The following PCED1B variants were observed in gnomAD, a reference collection of about 807,000 sequenced individuals.
PCED1B encodes PC-esterase domain-containing protein 1B.
For synonymous variants in PCED1B, 251 were observed against 246.1 expected, an observed-to-expected ratio of 1.02 and a Z score of -0.19; for missense variants, 573 against 573.9, an observed-to-expected ratio of 1.00 and a Z score of 0.02.
intron 2 of PCED1B, among the ~76,000 whole-genome samples, chr12:47,202,086 C>G (rs887627587): frequency 2.0e-5 from 3 of 152,048 alleles, no homozygotes; most frequent in African/African-American, 7.2e-5. Context: ...TTGTAAGCAC[C>G]ACAAATAAAA....
chr12:47,082,852 G>T, intron 1 of PCED1B, among the ~76,000 whole-genome samples: 1 of 151,974 alleles, frequency 6.6e-6, no homozygotes, highest in Non-Finnish European at 1.5e-5. Flanking sequence ...AGATGGTTGA[G>T]TTGCCTTCTC....
intron 2 of PCED1B, among the ~76,000 whole-genome samples, chr12:47,119,373 A>C (rs1395269991): frequency 6.6e-6 from 1 of 152,150 alleles, no homozygotes; most frequent in East Asian, 1.9e-4. Context: ...AAAAGAAAAA[A>C]TAGATAAATT....
intron 2 of PCED1B, among the ~76,000 whole-genome samples, chr12:47,120,791 A>C (rs1256611292): frequency 6.6e-6 from 1 of 152,002 alleles, no homozygotes; most frequent in Admixed American, 6.6e-5. Context: ...GACAGAGTGA[A>C]ATTCCATCTC....
rs1943985595 is a variant in PCED1B, at chr12:47,236,294, C to T, written c.1231C>T (p.Pro411Ser). 1.9e-6 allele frequency: 3 copies of T among 1,613,962 alleles called. No homozygotes were observed. The Admixed American group carries it at 5.0e-5, about 27-fold the overall frequency. ...GTATCGTCCCCGTGGCCCCTATACG[C>T]CCTGGGGACAGCGGCCTCGACCTTC... ...GRYRPRGPYTPWGQRPRPSKR... is the reference protein window; with the variant it reads ...GRYRPRGPYTSWGQRPRPSKR... Residue 411 changes from proline to serine, a missense_variant, in exon 4 of 4, where the codon CCC becomes TCC. Transcript: ENST00000546455.
chr12:47,211,187 C>A (rs1265460259), intron 2 of PCED1B, among the ~76,000 whole-genome samples: 1 of 152,220 alleles, frequency 6.6e-6, no homozygotes, highest in African/African-American at 2.4e-5. Flanking sequence ...TCCCTCCCTG[C>A]ACTGTGAGCT....
rs1337929631 is a variant in PCED1B at position 47,089,472 on chromosome 12, ATATATATATATATATATATATG to A, written c.-609+9754_-609+9775del. Among the ~76,000 whole-genome samples, 27 of 100,512 alleles carry A rather than the reference ATATATATATATATATATATATG, an allele frequency of 2.7e-4. 3 individuals are homozygous for A. Among genetic ancestry groups the A allele is most frequent in the Admixed American group, 1.4e-3 (14 of 9,668 alleles). The allele number at this position is 100,512 out of a possible 152,430, so 65.9% of individuals were successfully genotyped here. On this transcript the variant is annotated intron_variant, in intron 1 of 3. Coordinates refer to ENST00000546455, the MANE Select transcript of PCED1B (RefSeq NM_138371.3). Reference sequence around the variant, plus strand: ...AAAAAAAAAAAATACATATATATATATATATATATATATATATATATGTATATACCAAAAAACATACCTACCT... The same window carrying A: ...AAAAAAAAAAAATACATATATATATATATATACCAAAAAACATACCTACCT...
chr12:47,222,275 A>G (rs902808566), intron 3 of PCED1B, among the ~76,000 whole-genome samples: 1 of 151,482 alleles, frequency 6.6e-6, no homozygotes, highest in African/African-American at 2.4e-5. Context: ...CAAAAAAATT[A>G]GCCGGGCGTG....
At chr12:47,179,412 C>T (rs148974817) in intron 2 of PCED1B, among the ~76,000 whole-genome samples, 108 of 152,294 alleles carry the variant, frequency 7.1e-4, no homozygotes, top group African/African-American at 2.5e-3. Flanking sequence ...ATCATTCATC[C>T]TCTCAGAGTC....
chr12:47,119,989 T>C (rs933512049), intron 2 of PCED1B, among the ~76,000 whole-genome samples: 7 of 146,884 alleles, frequency 4.8e-5, no homozygotes, highest in African/African-American at 1.7e-4. Context: ...ATAATAATAA[T>C]AAAATGATTA....
chr12:47,107,417 A>T (rs1254849739), intron 2 of PCED1B, among the ~76,000 whole-genome samples: 1 of 152,232 alleles, frequency 6.6e-6, no homozygotes, highest in Non-Finnish European at 1.5e-5. Context: ...GGACACAGGG[A>T]GGGAGCTGAT....
At chr12:47,180,527 C>A (rs1478455833) in intron 2 of PCED1B, among the ~76,000 whole-genome samples, 4 of 152,112 alleles carry the variant, frequency 2.6e-5, no homozygotes, top group South Asian at 2.1e-4. Flanking sequence ...CCATTTGGGA[C>A]ATAGGCATGG....
chr12:47,119,539 A>AT (rs1396602381), intron 2 of PCED1B, among the ~76,000 whole-genome samples: 1 of 152,064 alleles, frequency 6.6e-6, no homozygotes, highest in African/African-American at 2.4e-5. Context: ...CTTAAAAAAA[A>AT]GAAAGAAAGA....
chr12:47,143,046 T>C (rs994076322), intron 2 of PCED1B, among the ~76,000 whole-genome samples: 2 of 152,110 alleles, frequency 1.3e-5, no homozygotes, highest in Non-Finnish European at 1.5e-5. Context: ...TTATTAGGTA[T>C]AGAAACAATT....
At chr12:47,097,282 C>T (rs940366672) in intron 1 of PCED1B, among the ~76,000 whole-genome samples, 7 of 152,210 alleles carry the variant, frequency 4.6e-5, no homozygotes, top group Non-Finnish European at 1.0e-4. Context: ...TCAAAACACA[C>T]ATTTAATTAC....
At chr12:47,096,154 T>C (rs1938477427) in intron 1 of PCED1B, among the ~76,000 whole-genome samples, 1 of 152,190 alleles carries the variant, frequency 6.6e-6, no homozygotes, top group Admixed American at 6.5e-5. Flanking sequence ...TGCTTCAGTG[T>C]TCCAGCCCCA....
At chr12:47,079,923 G>A (rs1941941287) in intron 1 of PCED1B, 198 bp downstream of exon 1, 1 of 151,494 alleles carries the variant, frequency 6.6e-6, no homozygotes, top group Non-Finnish European at 1.5e-5. Flanking sequence ...CCACCCCTGC[G>A]CGTCCTGCCT....
At chr12:47,111,866 C>T (rs537549075) in intron 2 of PCED1B, among the ~76,000 whole-genome samples, 13 of 152,252 alleles carry the variant, frequency 8.5e-5, no homozygotes, top group Admixed American at 7.2e-4. Flanking sequence ...TAAAGGGAGC[C>T]GATGTCATTT....
In PCED1B at chr12:47,235,779, G is replaced by C. The variant is rs201366077; in HGVS notation, c.716G>C (p.Cys239Ser). ...CACTGGAATGGACGTGTGCACCGCTGCCTCTCCCAGCTGCTGCTGGCCCAC... is the reference window on the plus strand; with the variant it reads ...CACTGGAATGGACGTGTGCACCGCTCCCTCTCCCAGCTGCTGCTGGCCCAC... ...GVHWNGRVHR[C>S]LSQLLLAHVA... is the part of the protein sequence containing the mutation. Residue 239 changes from cysteine to serine, a missense_variant, in exon 4 of 4, where the codon TGC becomes TCC. Physicochemically the swap from Cys to Ser is moderately radical, Grantham distance 112 (BLOSUM62 -1). Transcript: ENST00000546455. 6.3e-7 allele frequency: 1 copy of C among 1,587,874 alleles called. No homozygotes were observed.
At chr12:47,120,203 G>A (rs1939618244) in intron 2 of PCED1B, among the ~76,000 whole-genome samples, 1 of 152,074 alleles carries the variant, frequency 6.6e-6, no homozygotes, top group African/African-American at 2.4e-5. Context: ...ACAAGGGTGT[G>A]GAGAAATTGG....
Sources: allele counts gnomAD v4.1 joint callset (sites outside exome capture counted in the v4.1 genomes callset), GRCh38; gene constraint gnomAD v4.1.1; transcripts MANE v1.5; gene names NCBI Gene and HGNC (gene_info 2026-07-23, HGNC 2026-07-21).